PPM1L: variants seen among roughly 807,000 people sequenced by gnomAD.
The protein encoded by PPM1L is protein phosphatase 1L.
Under a neutral mutation model 31.4 loss-of-function variants are expected in PPM1L, and 13 were observed. That is an observed-to-expected ratio of 0.41 (90% CI 0.27 to 0.66). PPM1L has a LOEUF of 0.66. Among genes scored for constraint, PPM1L ranks in the 30% least tolerant of loss-of-function variants. PPM1L has a pLI of 0.29. For missense variants in PPM1L, 326 were observed against 453.7 expected (o/e 0.72, Z 2.56); for synonymous variants, 184 against 175.4 (o/e 1.05, Z -0.39).
chr3:160,780,745 C>T (rs1711720303), intron 1 of PPM1L, among the ~76,000 whole-genome samples: 1 of 152,128 alleles, frequency 6.6e-6, no homozygotes, highest in Admixed American at 6.5e-5. Flanking sequence ...GATTTAGACT[C>T]AATAGTTTAT....
At chr3:160,892,735 A>G (rs1713200441) in intron 1 of PPM1L, among the ~76,000 whole-genome samples, 1 of 152,104 alleles carries the variant, frequency 6.6e-6, no homozygotes, top group South Asian at 2.1e-4. Flanking sequence ...AACTAATATT[A>G]CTTCTCACTA....
chr3:161,026,557 A>G (rs996971941), intron 2 of PPM1L, among the ~76,000 whole-genome samples: 2 of 151,806 alleles, frequency 1.3e-5, no homozygotes. Context: ...TTAGCTGGGC[A>G]CGGTGGTGGG....
intron 1 of PPM1L, among the ~76,000 whole-genome samples, chr3:160,880,617 G>A (rs1712678632): frequency 7.3e-6 from 1 of 137,494 alleles, no homozygotes; most frequent in Non-Finnish European, 1.7e-5. Flanking sequence ...TGGTAAAATA[G>A]CATTCTGTGG....
rs564384661 is a variant in PPM1L at position 160,919,489 on chromosome 3, C to T, written c.400-42247C>T. Among the ~76,000 whole-genome samples the T allele has an allele frequency of 2.0e-5, 3 of 152,308 alleles. No homozygotes were observed. In the South Asian group the frequency reaches 6.2e-4, roughly 32 times the overall value. The stretch of plus-strand genomic sequence containing the variant: ...TGGGTGTCATCCTCATGCTACCTTA[C>T]AGTACCTGGTAGGCTGATGGATGGA... On this transcript the variant is annotated intron_variant, in intron 1 of 3. Transcript: ENST00000498165.
chr3:160,996,775 C>T (rs1312527018), intron 2 of PPM1L, among the ~76,000 whole-genome samples: 1 of 151,994 alleles, frequency 6.6e-6, no homozygotes, highest in Non-Finnish European at 1.5e-5. Flanking sequence ...CCCCAAAAAC[C>T]TATTGAAATC....
In PPM1L at chr3:160,944,836, A is replaced by AT. The variant is rs1715305032; in HGVS notation, c.400-16899dup. 1.0e-4 allele frequency among the ~76,000 whole-genome samples: 5 copies of AT among 49,916 alleles called. No individual in the cohort carries two copies. In the South Asian group the frequency reaches 2.4e-3, roughly 24 times the overall value. The allele number at this position is 49,916 out of a possible 152,430, so 32.7% of individuals were successfully genotyped here. On this transcript the variant is annotated intron_variant, in intron 1 of 3. Coordinates refer to ENST00000498165, the MANE Select transcript of PPM1L (RefSeq NM_139245.4). ...CATATATATGTTATATATAACATATATATGTTATATATAACATATATTATA... is the reference window on the plus strand; with the variant it reads ...CATATATATGTTATATATAACATATATTATGTTATATATAACATATATTATA...
intron 1 of PPM1L, among the ~76,000 whole-genome samples, chr3:160,925,161 A>G (rs956498756): frequency 3.9e-5 from 6 of 152,236 alleles, no homozygotes; most frequent in African/African-American, 1.4e-4. Context: ...GTTATCAAAC[A>G]AGAAATGGTC....
chr3:160,935,253 G>A (rs753064510), intron 1 of PPM1L, among the ~76,000 whole-genome samples: 1 of 152,062 alleles, frequency 6.6e-6, no homozygotes, highest in African/African-American at 2.4e-5. Context: ...CTTTATATTG[G>A]CAATTGTTTA....
intron 1 of PPM1L, among the ~76,000 whole-genome samples, chr3:160,945,169 T>A (rs548386066): frequency 6.9e-6 from 1 of 145,738 alleles, no homozygotes; most frequent in South Asian, 2.1e-4. Context: ...TGATTTTGTT[T>A]TAGTTTGGCC....
chr3:160,763,856 G>A (rs113349199), intron 1 of PPM1L, among the ~76,000 whole-genome samples: 2,505 of 152,116 alleles, frequency 0.016, 63 homozygotes, highest in African/African-American at 0.057. Flanking sequence ...GGATGTGATG[G>A]GAGTGGATAA....
At chr3:160,850,886 G>C (rs1253016804) in intron 1 of PPM1L, among the ~76,000 whole-genome samples, 1 of 146,274 alleles carries the variant, frequency 6.8e-6, no homozygotes, top group South Asian at 2.2e-4. Context: ...TTTTTTGGTG[G>C]GGGGGGGGTC....
At chr3:161,063,535 A>G (rs530505761) in intron 2 of PPM1L, among the ~76,000 whole-genome samples, 35 of 152,292 alleles carry the variant, frequency 2.3e-4, no homozygotes, top group African/African-American at 7.9e-4. Context: ...ATGTCTATTT[A>G]AGAATTCAGT....
At chr3:160,770,546 A>G (rs1715222486) in intron 1 of PPM1L, among the ~76,000 whole-genome samples, 2 of 152,242 alleles carry the variant, frequency 1.3e-5, no homozygotes. Context: ...AAAAACCAGC[A>G]TGCATCGATT....
At chr3:160,944,842 TATATATA>T (rs1242404800) in intron 1 of PPM1L, among the ~76,000 whole-genome samples, 4 of 26,148 alleles carry the variant, frequency 1.5e-4, no homozygotes, top group African/African-American at 6.1e-4. Flanking sequence ...ATATATATGT[TATATATA>T]ACATATATTA....
chr3:161,027,638 C>T (rs1032048009), intron 2 of PPM1L, among the ~76,000 whole-genome samples: 8 of 152,140 alleles, frequency 5.3e-5, no homozygotes, highest in Admixed American at 6.5e-5. Flanking sequence ...AAGGGTCTCT[C>T]CCACAACACG....
intron 1 of PPM1L, among the ~76,000 whole-genome samples, chr3:160,857,467 G>C (rs915508699): frequency 3.3e-5 from 5 of 152,118 alleles, no homozygotes; most frequent in African/African-American, 9.7e-5. Flanking sequence ...AAGTAAGGTG[G>C]CTGCCTTAAA....
chr3:161,022,243 T>G, intron 2 of PPM1L: 2 of 619,074 alleles, frequency 3.2e-6, no homozygotes, highest in South Asian at 3.8e-5. Context: ...AATTTCGATT[T>G]TAAACAAAGA....
chr3:161,026,985 A>T (rs966347424), intron 2 of PPM1L, among the ~76,000 whole-genome samples: 2 of 152,282 alleles, frequency 1.3e-5, no homozygotes, highest in Non-Finnish European at 2.9e-5. Context: ...CTGGCTCTGA[A>T]ACTTACTACC....
chr3:160,914,004 A>G (rs1183645363), intron 1 of PPM1L, among the ~76,000 whole-genome samples: 1 of 152,226 alleles, frequency 6.6e-6, no homozygotes, highest in Non-Finnish European at 1.5e-5. Context: ...ACAAACTGAC[A>G]AACTGTTTTC....
Sources: allele counts gnomAD v4.1 joint callset (sites outside exome capture counted in the v4.1 genomes callset), GRCh38; gene constraint gnomAD v4.1.1; transcripts MANE v1.5; gene names NCBI Gene and HGNC (gene_info 2026-07-23, HGNC 2026-07-21).